The following PCDHA8 variants were observed in gnomAD, a reference collection of about 807,000 sequenced individuals.
PCDHA8 encodes the protein protocadherin alpha-8.
PCDHA8 carries 53 observed loss-of-function variants against 61.8 expected under a neutral mutation model. That is an observed-to-expected ratio of 0.86 (90% CI 0.69 to 1.08). The LOEUF is 1.08. Among genes scored for constraint, PCDHA8 ranks in the 50% least tolerant of loss-of-function variants. The pLI is 0.00. For synonymous variants in PCDHA8, 618 were observed against 556.6 expected, an observed-to-expected ratio of 1.11 and a Z score of -1.55; for missense variants, 1,293 against 1,245.0, an observed-to-expected ratio of 1.04 and a Z score of -0.58.
intron 1 of PCDHA8, among the ~76,000 whole-genome samples, chr5:140,939,296 C>T (rs2153640792): frequency 6.6e-6 from 1 of 152,210 alleles, no homozygotes; most frequent in South Asian, 2.1e-4. Flanking sequence ...CTAATCATCT[C>T]TACAAAAGCC....
rs782141223 is a variant in PCDHA8, at chr5:140,929,191, AAC to A, written c.2395-49756_2395-49755del. On this transcript the variant is annotated intron_variant, in intron 1 of 3. Transcript: ENST00000531613. ...CTCTCTGGGACTTGGTTCTGATAAT[AAC>A]AGTTTGCTGTTGCGTGGGGAGTACA... is the stretch of plus-strand genomic sequence containing the variant. 3.1e-6 allele frequency: 5 copies of A among 1,614,000 alleles called. No homozygotes were observed. In the African/African-American group the frequency reaches 6.7e-5, roughly 22 times the overall value.
intron 1 of PCDHA8, chr5:140,876,746 T>C (rs1411489174): frequency 3.7e-6 from 6 of 1,614,098 alleles, no homozygotes; most frequent in Admixed American, 3.3e-5. Flanking sequence ...GAGCTGGTGG[T>C]GACTGCGCGG....
In PCDHA8 at chr5:140,869,747, C is replaced by G. The variant is rs1554163400; in HGVS notation, c.2394+26032C>G. 1.2e-6 allele frequency: 2 copies of G among 1,613,158 alleles called. No individual in the cohort carries two copies. Reference sequence around the variant, plus strand: ...GAACTTAATTTGCTGCTAACAGCTACAGACGGGGGAAAACCAGAGCTTACT... The same window carrying G: ...GAACTTAATTTGCTGCTAACAGCTAGAGACGGGGGAAAACCAGAGCTTACT... On this transcript the variant is annotated intron_variant, in intron 1 of 3. Coordinates refer to ENST00000531613, the MANE Select transcript of PCDHA8 (RefSeq NM_018911.3).
rs781785142 is a variant in PCDHA8, at chr5:140,871,450, G to A, written c.2394+27735G>A. 4 of 1,608,718 alleles carry A rather than the reference G, an allele frequency of 2.5e-6. No individual in the cohort carries two copies. The highest frequency in any genetic ancestry group is 2.2e-5 in the South Asian group (2 of 90,488). ...TCTTCCTCTAGGTCTGAATAAAGAG[G>A]AGGAAGGGGAAAGACAGGAGCCAGG... On this transcript the variant is annotated intron_variant, in intron 1 of 3. Coordinates refer to ENST00000531613, the MANE Select transcript of PCDHA8 (RefSeq NM_018911.3).
chr5:140,876,860 T>C (rs2056650252), intron 1 of PCDHA8: 1 of 1,613,918 alleles, frequency 6.2e-7, no homozygotes, highest in African/African-American at 1.3e-5. Context: ...TACACAGTGT[T>C]CGTGAAGGAG....
intron 1 of PCDHA8, among the ~76,000 whole-genome samples, chr5:140,873,864 T>C (rs1275090016): frequency 6.6e-6 from 1 of 152,210 alleles, no homozygotes; most frequent in African/African-American, 2.4e-5. Context: ...TTTCACCATG[T>C]TGGCCAGGCT....
intron 1 of PCDHA8, among the ~76,000 whole-genome samples, chr5:140,950,804 A>G (rs1360919239): frequency 6.6e-6 from 1 of 152,090 alleles, no homozygotes; most frequent in African/African-American, 2.4e-5. Context: ...GTCTGGTTTT[A>G]CCATAGTAGG....
In PCDHA8 at chr5:141,011,970, C is replaced by T. The variant is rs975637071; in HGVS notation, c.*2033C>T. ...AGCATTAAATTTAAAAAAAAACTGT[C>T]TTGTCTACTTTTAGCTTCATTCTCC... On this transcript the variant is annotated 3_prime_UTR_variant, in exon 4 of 4. Coordinates refer to ENST00000531613, the MANE Select transcript of PCDHA8 (RefSeq NM_018911.3). 6.5e-6 allele frequency: 1 copy of T among 153,576 alleles called. No homozygotes were observed. Among genetic ancestry groups the T allele is most frequent in the African/African-American group, 2.4e-5 (1 of 41,406 alleles). The allele number at this position is 153,576 out of a possible 1,614,324, so 9.5% of individuals were successfully genotyped here.
intron 1 of PCDHA8, among the ~76,000 whole-genome samples, chr5:140,926,033 G>A (rs1554203080): frequency 6.6e-6 from 1 of 152,070 alleles, no homozygotes; most frequent in Non-Finnish European, 1.5e-5. Flanking sequence ...AGTTTGATGC[G>A]GACACTATTC....
In PCDHA8 at chr5:141,011,628, A is replaced by G. The variant is rs568783669; in HGVS notation, c.*1691A>G. On this transcript the variant is annotated 3_prime_UTR_variant, in exon 4 of 4. Coordinates refer to ENST00000531613, the MANE Select transcript of PCDHA8 (RefSeq NM_018911.3). ...TTTATTTATGGTCCAGCCAAGAGCC[A>G]TCTCGTGCCAAGACTTCTGCTGGCA... is the stretch of plus-strand genomic sequence containing the variant. The G allele has an allele frequency of 6.5e-6, 1 of 153,882 alleles. No homozygotes were observed. Among genetic ancestry groups the G allele is most frequent in the East Asian group, 1.9e-4 (1 of 5,186 alleles). 9.5% of individuals were successfully genotyped at this position (153,882 alleles called of 1,614,324 possible).
chr5:140,870,493 AAGG>A, intron 1 of PCDHA8: 1 of 1,614,214 alleles, frequency 6.2e-7, no homozygotes, highest in Non-Finnish European at 8.5e-7. Context: ...CGTGTTCGTG[AAGG>A]AGAACAACCC....
At chr5:140,905,383 A>G (rs576453128) in intron 1 of PCDHA8, among the ~76,000 whole-genome samples, 8 of 152,324 alleles carry the variant, frequency 5.3e-5, no homozygotes, top group African/African-American at 1.7e-4. Flanking sequence ...GTTCTGTTTC[A>G]TAGGTCTGTG....
chr5:140,882,182 G>A (rs1357141908), intron 1 of PCDHA8: 1 of 1,518,510 alleles, frequency 6.6e-7, no homozygotes, highest in Non-Finnish European at 8.8e-7. Context: ...TCCGCACTAG[G>A]AAGCCATAAA....
chr5:140,909,856 C>T (rs575107041), intron 1 of PCDHA8, among the ~76,000 whole-genome samples: 2 of 152,286 alleles, frequency 1.3e-5, no homozygotes, highest in South Asian at 2.1e-4. Context: ...TTTTCGGTCC[C>T]CTGGAGTCAA....
rs782072957 is a variant in PCDHA8, at chr5:140,870,352, G to A, written c.2394+26637G>A. ...GGACAGCGCCCTGGACCGCGAGAAC[G>A]TGTGGGCCTATGAACTGGTGGTGAC... On this transcript the variant is annotated intron_variant, in intron 1 of 3. Coordinates refer to ENST00000531613, the MANE Select transcript of PCDHA8 (RefSeq NM_018911.3). 36 of 1,614,108 alleles carry A rather than the reference G, an allele frequency of 2.2e-5. No homozygotes were observed. In the South Asian group the frequency reaches 3.2e-4, roughly 14 times the overall value.
intron 1 of PCDHA8, among the ~76,000 whole-genome samples, chr5:140,874,119 GTTTA>G (rs1582151784): frequency 6.6e-6 from 1 of 152,064 alleles, no homozygotes; most frequent in Non-Finnish European, 1.5e-5. Flanking sequence ...ACGTTTTATA[GTTTA>G]TTTAAGTTAT....
At chr5:140,946,219 G>A (rs2093905754) in intron 1 of PCDHA8, among the ~76,000 whole-genome samples, 1 of 151,856 alleles carries the variant, frequency 6.6e-6, no homozygotes, top group Non-Finnish European at 1.5e-5. Context: ...TGACCAACAG[G>A]TATACTAAAA....
chr5:140,865,077 A>G (rs2048727264), intron 1 of PCDHA8: 1 of 152,246 alleles, frequency 6.6e-6, no homozygotes, highest in Non-Finnish European at 1.5e-5. Flanking sequence ...TATAAGAACC[A>G]TGGGATATTA....
At chr5:140,850,321 A>G (rs2150479492) in intron 1 of PCDHA8, 1 of 1,597,400 alleles carries the variant, frequency 6.3e-7, no homozygotes, top group Admixed American at 1.7e-5. Context: ...TGGCTTTCAT[A>G]CGAGCTGCAG....
Sources: gnomAD v4.1 joint callset for allele counts (sites outside exome capture counted in the v4.1 genomes callset) on GRCh38, gnomAD v4.1.1 for gene constraint, MANE v1.5 for transcripts, NCBI Gene and HGNC (gene_info 2026-07-23, HGNC 2026-07-21) for gene names.